The following ST7L variants were observed in gnomAD, a reference collection of about 807,000 sequenced individuals.
ST7L encodes the protein suppressor of tumorigenicity 7 protein-like.
Under a neutral mutation model 72.5 loss-of-function variants are expected in ST7L, and 57 were observed. That is an observed-to-expected ratio of 0.79 (90% confidence interval 0.64 to 0.98). The LOEUF is 0.98. ST7L is among the 50% of genes least tolerant of loss of function. The pLI, the probability that ST7L is intolerant of heterozygous loss-of-function variation, is 0.00. For missense variants in ST7L, 576 were observed against 672.2 expected (o/e 0.86, Z 1.58); for synonymous variants, 221 against 240.9 (o/e 0.92, Z 0.77).
chr1:112,574,606 C>T (rs1265354328), intron 11 of ST7L, among the ~76,000 whole-genome samples: 1 of 150,898 alleles, frequency 6.6e-6, no homozygotes, highest in Non-Finnish European at 1.5e-5. Flanking sequence ...TTGCAGTGAG[C>T]CTAGATCACG....
At chr1:112,561,345 T>C (rs993781995) in intron 11 of ST7L, among the ~76,000 whole-genome samples, 1 of 127,772 alleles carries the variant, frequency 7.8e-6, no homozygotes, top group Non-Finnish European at 1.6e-5. Flanking sequence ...GGCAGGAGGA[T>C]AGCTGGACCT....
chr1:112,571,272 C>G (rs988820534), intron 11 of ST7L: 3 of 455,978 alleles, frequency 6.6e-6, no homozygotes, highest in African/African-American at 4.0e-5. Flanking sequence ...TAGCATCACT[C>G]ACTTAGCTGG....
chr1:112,587,835 G>A lies in ST7L; in HGVS notation c.701+3690C>T, dbSNP rs181793448. Among the ~76,000 whole-genome samples the A allele has an allele frequency of 1.9e-4, 29 of 152,204 alleles. No homozygotes were observed. In the East Asian group the frequency reaches 3.5e-3, roughly 18 times the overall value. ...TCTGTATGAATTATAGGATCGCCTT[G>A]TCCATTTCTGCAGAAATGATAATTA... On this transcript the variant is annotated intron_variant, in intron 6 of 14. Transcript: ENST00000358039.
At chr1:112,603,970 G>A (rs942680293) in intron 3 of ST7L, among the ~76,000 whole-genome samples, 1 of 152,156 alleles carries the variant, frequency 6.6e-6, no homozygotes, top group African/African-American at 2.4e-5. Context: ...TCAGTCTACA[G>A]CATTCTGGCC....
intron 11 of ST7L, among the ~76,000 whole-genome samples, chr1:112,574,248 A>C (rs918052450): frequency 7.3e-6 from 1 of 137,630 alleles, no homozygotes; most frequent in African/African-American, 2.7e-5. Flanking sequence ...ACAGAGTCTC[A>C]CTCTGTCACC....
chr1:112,549,909 A>G (rs1268469101), intron 13 of ST7L, among the ~76,000 whole-genome samples: 1 of 152,152 alleles, frequency 6.6e-6, no homozygotes, highest in East Asian at 1.9e-4. Context: ...CATTAAATAT[A>G]ATGTTAATTG....
chr1:112,566,027 G>A (rs1356741656), intron 11 of ST7L, among the ~76,000 whole-genome samples: 1 of 151,198 alleles, frequency 6.6e-6, no homozygotes, highest in Admixed American at 6.6e-5. Context: ...AAAAAAAAAG[G>A]TACAGAAATA....
In ST7L at chr1:112,612,867, C is replaced by G. The variant is rs1669288163; in HGVS notation, c.289-1864G>C. Among the ~76,000 whole-genome samples, 3 of 151,980 alleles carry G rather than the reference C, an allele frequency of 2.0e-5. No individual in the cohort carries two copies. In the South Asian group the frequency reaches 6.2e-4, roughly 32 times the overall value. On this transcript the variant is annotated intron_variant, in intron 2 of 14. Transcript: ENST00000358039. ...GCACGGTGGCTCATGCCTATAATCC[C>G]AACACTTTGGGAGGCTGAGGTGGGA...
At chr1:112,606,646 C>T (rs1668293026) in intron 3 of ST7L, among the ~76,000 whole-genome samples, 2 of 152,158 alleles carry the variant, frequency 1.3e-5, no homozygotes, top group African/African-American at 2.4e-5. Flanking sequence ...AGTTAGTCAG[C>T]TCAGGTTGCC....
At chr1:112,539,679 A>G in intron 14 of ST7L, 1 of 674,598 alleles carries the variant, frequency 1.5e-6, no homozygotes, top group Non-Finnish European at 1.8e-6. Context: ...AAAAAGAAAA[A>G]GAAAAAGAAA....
chr1:112,587,846 C>A (rs759592356), intron 6 of ST7L, among the ~76,000 whole-genome samples: 46 of 152,102 alleles, frequency 3.0e-4, no homozygotes, highest in Non-Finnish European at 5.1e-4. Flanking sequence ...TCCATTTCTG[C>A]AGAAATGATA....
chr1:112,618,081 T>C (rs982549234), intron 1 of ST7L: 21 of 1,303,566 alleles, frequency 1.6e-5, no homozygotes, highest in Middle Eastern at 2.1e-4. Flanking sequence ...ACCACCATAC[T>C]GAATCATGTA....
At chr1:112,566,605 G>GT (rs966804336) in intron 11 of ST7L, among the ~76,000 whole-genome samples, 3 of 151,968 alleles carry the variant, frequency 2.0e-5, no homozygotes, top group Non-Finnish European at 4.4e-5. Context: ...CCATCAAAAC[G>GT]TATCTTCTTT....
chr1:112,616,060 T>G (rs912518920), intron 2 of ST7L, among the ~76,000 whole-genome samples: 2 of 152,108 alleles, frequency 1.3e-5, no homozygotes, highest in African/African-American at 2.4e-5. Flanking sequence ...TTTAAATCAT[T>G]TGAAAAATTG....
intron 14 of ST7L, chr1:112,540,030 A>G: frequency 2.0e-6 from 2 of 985,428 alleles, no homozygotes. Context: ...AGTCTCTACT[A>G]GAGGAGTGCT....
chr1:112,526,329 A>C, intron 14 of ST7L: 3 of 462,574 alleles, frequency 6.5e-6, no homozygotes, highest in East Asian at 3.3e-5. Context: ...TCCTAATTCT[A>C]CTCCTTTTTT....
rs537935476 is a variant in ST7L at position 112,525,346 on chromosome 1, T to A, written c.*667A>T. 6.6e-6 allele frequency: 1 copy of A among 152,368 alleles called. No individual in the cohort carries two copies. The highest frequency in any genetic ancestry group is 2.4e-5 in the African/African-American group (1 of 41,568). 9.4% of individuals were successfully genotyped at this position (152,368 alleles called of 1,614,324 possible). On this transcript the variant is annotated 3_prime_UTR_variant, in exon 15 of 15. Coordinates refer to ENST00000358039, the MANE Select transcript of ST7L (RefSeq NM_017744.5). ...ACAGTTGCTACAGTGAATTGAGCTT[T>A]CTCAGAAGCTATTATTTTCTTTGGG...
intron 4 of ST7L, among the ~76,000 whole-genome samples, chr1:112,598,322 C>G (rs75975137): frequency 2.0e-5 from 3 of 151,720 alleles, no homozygotes; most frequent in Non-Finnish European, 4.4e-5. Context: ...TGAATTGGGC[C>G]GGGTGCCGTG....
chr1:112,614,829 A>T (rs1409559241), intron 2 of ST7L, among the ~76,000 whole-genome samples: 1 of 152,228 alleles, frequency 6.6e-6, no homozygotes, highest in Non-Finnish European at 1.5e-5. Context: ...TTTATTGGCT[A>T]TGCATGGCAT....
Sources: gnomAD v4.1 joint callset for allele counts (sites outside exome capture counted in the v4.1 genomes callset) on GRCh38, gnomAD v4.1.1 for gene constraint, MANE v1.5 for transcripts, NCBI Gene and HGNC (gene_info 2026-07-23, HGNC 2026-07-21) for gene names.